The following FAT3 variants were observed in gnomAD, a reference collection of about 807,000 sequenced individuals.
FAT3 encodes FAT atypical cadherin 3.
FAT3 carries 95 observed loss-of-function variants against 310.2 expected under a neutral mutation model. The ratio of observed to expected loss-of-function variants is 0.31; its 90% CI spans 0.26 to 0.36. The LOEUF (loss-of-function observed/expected upper bound fraction) is 0.36. FAT3 is among the 10% of genes least tolerant of loss of function. FAT3 has a pLI of 1.00. For synonymous variants in FAT3, 2,314 were observed against 2,192.9 expected (o/e 1.06, Z -1.54); for missense variants, 5,408 against 5,715.6 (o/e 0.95, Z 1.74).
chr11:92,449,149 C>T (rs1418280638), intron 2 of FAT3, among the ~76,000 whole-genome samples: 1 of 152,028 alleles, frequency 6.6e-6, no homozygotes, highest in East Asian at 1.9e-4. Context: ...CGAGCAATGC[C>T]AATAAAAAAG....
intron 21 of FAT3, among the ~76,000 whole-genome samples, chr11:92,861,360 G>A (rs1435104945): frequency 6.6e-6 from 1 of 152,190 alleles, no homozygotes; most frequent in East Asian, 1.9e-4. Context: ...CTAAAATGGA[G>A]CTTGTGATTT....
intron 3 of FAT3, among the ~76,000 whole-genome samples, chr11:92,670,886 A>C (rs1777309032): frequency 6.6e-6 from 1 of 152,144 alleles, no homozygotes; most frequent in Non-Finnish European, 1.5e-5. Flanking sequence ...CCAGGCTGAC[A>C]ATCAGTCATG....
At chr11:92,431,801 A>G (rs1458827855) in intron 2 of FAT3, among the ~76,000 whole-genome samples, 1 of 152,172 alleles carries the variant, frequency 6.6e-6, no homozygotes, top group Non-Finnish European at 1.5e-5. Context: ...CAAAGATCAG[A>G]TGGTTGTAGA....
At chr11:92,367,239 GT>G in intron 2 of FAT3, 1 of 279,112 alleles carries the variant, frequency 3.6e-6, no homozygotes, top group South Asian at 4.4e-5. Flanking sequence ...GCACCAGCTT[GT>G]AGGCAGCCAT....
At chr11:92,557,455 G>A (rs1398899500) in intron 3 of FAT3, among the ~76,000 whole-genome samples, 1 of 152,180 alleles carries the variant, frequency 6.6e-6, no homozygotes, top group Non-Finnish European at 1.5e-5. Context: ...ATTTCGTGGT[G>A]CAGTGGCTCC....
chr11:92,736,766 G>T (rs1272000759), intron 4 of FAT3, among the ~76,000 whole-genome samples: 2 of 152,136 alleles, frequency 1.3e-5, no homozygotes, highest in East Asian at 3.9e-4. Context: ...CTAGTATCTG[G>T]GCAATAAAGT....
chr11:92,432,935 G>T (rs1232422401), intron 2 of FAT3, among the ~76,000 whole-genome samples: 2 of 152,202 alleles, frequency 1.3e-5, no homozygotes, highest in African/African-American at 4.8e-5. Context: ...GCCCTGCCCA[G>T]AGAGGAGGAA....
intron 2 of FAT3, among the ~76,000 whole-genome samples, chr11:92,382,716 G>A (rs1949524591): frequency 6.6e-6 from 1 of 152,210 alleles, no homozygotes; most frequent in African/African-American, 2.4e-5. Flanking sequence ...CTTTTTCCAT[G>A]TGTGTATAGA....
chr11:92,890,347 C>CT (rs1949888864), intron 27 of FAT3, 144 bp from the exon 28 acceptor site: 1 of 978,680 alleles, frequency 1.0e-6, no homozygotes, highest in African/African-American at 1.6e-5. Flanking sequence ...CAAAGCATGG[C>CT]TGGCCCCATA....
chr11:92,605,335 G>T (rs1054806524), intron 3 of FAT3, among the ~76,000 whole-genome samples: 2 of 152,196 alleles, frequency 1.3e-5, no homozygotes, highest in African/African-American at 4.8e-5. Context: ...CCTGGATGAC[G>T]ATCCTTCTGT....
intron 27 of FAT3, 114 bp downstream of exon 27, chr11:92,890,005 T>C (rs1949880430): frequency 2.8e-6 from 2 of 715,902 alleles, no homozygotes; most frequent in Non-Finnish European, 2.6e-6. Flanking sequence ...ATGTCTCAGG[T>C]GTCTCGTGCG....
chr11:92,462,322 C>T (rs1321691023), intron 2 of FAT3, among the ~76,000 whole-genome samples: 2 of 152,066 alleles, frequency 1.3e-5, no homozygotes, highest in Non-Finnish European at 2.9e-5. Context: ...ACTCTCCTCC[C>T]ACCCTCCACC....
intron 2 of FAT3, among the ~76,000 whole-genome samples, chr11:92,410,090 C>A (rs1214115904): frequency 6.6e-6 from 1 of 152,008 alleles, no homozygotes; most frequent in Non-Finnish European, 1.5e-5. Flanking sequence ...TTTTACATTT[C>A]TTTTACCTGA....
In FAT3 at chr11:92,843,851, A is replaced by T. The variant is rs557912813; in HGVS notation, c.10567-83A>T. 8.6e-6 allele frequency: 11 copies of T among 1,275,420 alleles called. No individual in the cohort carries two copies. In the South Asian group the frequency reaches 1.4e-4, roughly 17 times the overall value. The allele number at this position is 1,275,420 out of a possible 1,614,324, so 79.0% of individuals were successfully genotyped here. A position where few individuals can be genotyped will look rare whatever the true frequency, so the allele number is the denominator to read the frequency against. ...GGAAGAAGCAAACGTAAAGGTACAG[A>T]CGTCTTCTATCTGCGGGTTTTTAAA... On this transcript the variant is annotated intron_variant, in intron 18 of 27. Transcript: ENST00000525166.
intron 25 of FAT3, among the ~76,000 whole-genome samples, chr11:92,888,089 A>G (rs1022354924): frequency 3.3e-5 from 5 of 152,212 alleles, no homozygotes; most frequent in African/African-American, 9.6e-5. Context: ...AAATACAGAA[A>G]CAGGTGAGCT....
chr11:92,431,189 T>C (rs904307082), intron 2 of FAT3, among the ~76,000 whole-genome samples: 4 of 152,232 alleles, frequency 2.6e-5, no homozygotes, highest in African/African-American at 9.6e-5. Context: ...CCTGACTTTT[T>C]AGTGATTGTC....
At chr11:92,249,889 T>G (rs1198766569) in intron 1 of FAT3, among the ~76,000 whole-genome samples, 2 of 152,098 alleles carry the variant, frequency 1.3e-5, no homozygotes, top group African/African-American at 4.8e-5. Flanking sequence ...GCCACTCTTG[T>G]AAATAATTGC....
At chr11:92,855,692 T>C (rs2136318765) in intron 19 of FAT3, among the ~76,000 whole-genome samples, 1 of 152,344 alleles carries the variant, frequency 6.6e-6, no homozygotes, top group South Asian at 2.1e-4. Context: ...TAGGAAGATG[T>C]ATTTCAGGGC....
chr11:92,281,737 C>T (rs928572113), intron 1 of FAT3, among the ~76,000 whole-genome samples: 2 of 152,138 alleles, frequency 1.3e-5, no homozygotes, highest in Admixed American at 6.6e-5. Context: ...ACCCTAATCG[C>T]TCACTGGTCC....
Sources: allele counts gnomAD v4.1 joint callset (sites outside exome capture counted in the v4.1 genomes callset), GRCh38; gene constraint gnomAD v4.1.1; transcripts MANE v1.5; gene names NCBI Gene and HGNC (gene_info 2026-07-23, HGNC 2026-07-21).